The following HIP1R variants were observed in gnomAD, a reference collection of about 807,000 sequenced individuals.
HIP1R encodes the protein huntingtin interacting protein 1 related.
A neutral mutation model predicts 144.2 loss-of-function variants in HIP1R; 135 were observed. The ratio of observed to expected loss-of-function variants is 0.94; its 90% CI spans 0.81 to 1.08. The LOEUF (loss-of-function observed/expected upper bound fraction) is 1.08, where lower values mean the gene tolerates loss of function less well. Among genes scored for constraint, HIP1R ranks in the 50% least tolerant of loss-of-function variants. HIP1R has a pLI of 0.00. For missense variants in HIP1R, 1,462 were observed against 1,432.8 expected (o/e 1.02, Z -0.33); for synonymous variants, 698 against 612.8 (o/e 1.14, Z -2.05).
In HIP1R at chr12:122,859,382, G is replaced by GT. The variant is rs567148630; in HGVS notation, c.2296-44_2296-43insT. The GT allele has an allele frequency of 1.3e-3, 2,084 of 1,552,452 alleles. 16 individuals are homozygous for GT. The highest frequency in any genetic ancestry group is 1.7e-3 in the Admixed American group (99 of 59,250). On this transcript the variant is annotated intron_variant, in intron 22 of 31. Transcript: ENST00000253083. ...TCTTTCCCAGGCTGCCCGTGGGACG[G>GT]GGGGGGACGGAGGCTACCCCTGTCT...
rs754302620 is a variant in HIP1R at position 122,858,952 on chromosome 12, G to C, written c.2158+7G>C. ...CCCACCGACCCTGCCGACCGTAAGT[G>C]GGTCCTGGGATGGCAGGTTCTGTCC... On this transcript the variant is annotated splice_region_variant and intron_variant, in intron 21 of 31. Transcript: ENST00000253083. 5.0e-6 allele frequency: 8 copies of C among 1,612,686 alleles called. No homozygotes were observed. Among genetic ancestry groups the C allele is most frequent in the Non-Finnish European group, 5.9e-6 (7 of 1,179,550 alleles).
chr12:122,861,994 C>T lies in HIP1R; in HGVS notation c.*241C>T, dbSNP rs145881981. The stretch of plus-strand genomic sequence containing the variant: ...AAGGAACTTTGGGGTGCAGCCAGGA[C>T]CCGGTAGGCCTGAGCCTCAACTCTT... On this transcript the variant is annotated 3_prime_UTR_variant, in exon 32 of 32. Transcript: ENST00000253083. 5.8e-6 allele frequency: 3 copies of T among 514,084 alleles called. No individual in the cohort carries two copies. The highest frequency in any genetic ancestry group is 3.9e-5 in the African/African-American group (2 of 51,272). 31.8% of individuals were successfully genotyped at this position (514,084 alleles called of 1,614,324 possible).
At chr12:122,847,890 G>C in intron 1 of HIP1R, 141 bp from the exon 2 acceptor site, 1 of 662,036 alleles carries the variant, frequency 1.5e-6, no homozygotes, top group South Asian at 2.2e-5. Context: ...CTTAGGTTGA[G>C]GGGATTCCTG....
chr12:122,852,457 C>T (rs1186791554), intron 7 of HIP1R, among the ~76,000 whole-genome samples: 1 of 152,218 alleles, frequency 6.6e-6, no homozygotes, highest in Non-Finnish European at 1.5e-5. Context: ...GCCAGTTACC[C>T]CTGGCATGGG....
chr12:122,845,658 G>A (rs2033189548), intron 1 of HIP1R, among the ~76,000 whole-genome samples: 1 of 152,204 alleles, frequency 6.6e-6, no homozygotes, highest in South Asian at 2.1e-4. Context: ...TGACTGCTGG[G>A]TGAGGGGAGA....
In HIP1R at chr12:122,856,081, GCAGCTCCGCCACGAGCTGGCC is replaced by G; in HGVS notation, c.1236_1256del (p.His414_Arg420del). Reference sequence around the variant, plus strand: ...AGCAGAAGGCCCTGGTGGATAATGAGCAGCTCCGCCACGAGCTGGCCCAGCTGAGGGCTGCCCAGCTGGAGG... The same window carrying G: ...AGCAGAAGGCCCTGGTGGATAATGAGCAGCTGAGGGCTGCCCAGCTGGAGG... On this transcript the variant is annotated inframe_deletion, in exon 14 of 32. Transcript: ENST00000253083. 5.7e-6 allele frequency: 9 copies of G among 1,587,118 alleles called. No homozygotes were observed. Among genetic ancestry groups the G allele is most frequent in the Non-Finnish European group, 7.7e-6 (9 of 1,167,082 alleles).
At chr12:122,860,342 G>C in intron 26 of HIP1R, 81 bp from the exon 27 acceptor site, 6 of 1,562,466 alleles carry the variant, frequency 3.8e-6, no homozygotes, top group Non-Finnish European at 5.3e-6. Context: ...CAGAGTGAGG[G>C]GGAGAGGGCC....
intron 19 of HIP1R, 39 bp from the exon 20 acceptor site, chr12:122,858,310 A>AGCG: frequency 6.3e-7 from 1 of 1,591,280 alleles, no homozygotes; most frequent in Non-Finnish European, 8.6e-7. Context: ...AGCCCTGAGC[A>AGCG]GCGGGTGGCA....
intron 2 of HIP1R, 80 bp from the exon 3 acceptor site, chr12:122,848,386 C>G: frequency 6.6e-7 from 1 of 1,512,160 alleles, no homozygotes; most frequent in Non-Finnish European, 8.9e-7. Context: ...CCTCTTCCGG[C>G]GGCCCTGGCC....
chr12:122,860,387 C>T (rs1383422539), intron 26 of HIP1R, 36 bp from the exon 27 acceptor site: 2 of 1,606,028 alleles, frequency 1.2e-6, no homozygotes, highest in South Asian at 1.1e-5. Context: ...GTGTCCTTGA[C>T]TGGCATGTCC....
chr12:122,855,190 C>T, intron 10 of HIP1R, 62 bp downstream of exon 10: 1 of 1,611,278 alleles, frequency 6.2e-7, no homozygotes, highest in Non-Finnish European at 8.5e-7. Context: ...CTGGGCCCCA[C>T]ACAGGCTATG....
At position 122,856,492 on chromosome 12, in the gene HIP1R, G is replaced by C. The variant is rs771556796; in HGVS notation, c.1462G>C (p.Val488Leu). Residue 488 changes from valine (V) to leucine (L), a missense_variant, in exon 16 of 32, where the codon GTG (valine) becomes CTG (leucine). Physicochemically the swap from Val to Leu is conservative, Grantham distance 32. This residue lies in a region of HIP1R where 1,112 missense variants were observed against 1,011.7 expected (regional missense o/e 1.10). Coordinates refer to ENST00000253083, the MANE Select transcript of HIP1R (RefSeq NM_003959.3). ...GCAAAGCCAGGAGGAGGTGGCGCGG[G>C]TGAAGGAGCAGCTGGCCTTCCAGGT... ...TQQSQEEVARVKEQLAFQVEQ... is the reference protein window; with the variant it reads ...TQQSQEEVARLKEQLAFQVEQ... 1 of 1,592,754 alleles carries C rather than the reference G, an allele frequency of 6.3e-7. No homozygotes were observed. Among genetic ancestry groups the C allele is most frequent in the Non-Finnish European group, 8.6e-7 (1 of 1,169,158 alleles).
At position 122,855,378 on chromosome 12, in the gene HIP1R, C is replaced by T; in HGVS notation, c.966C>T (p.Ser322=). The change falls in exon 11 of 32, where the codon AGC becomes AGT. Residue 322 remains serine (S), a synonymous_variant. Coordinates refer to ENST00000253083, the MANE Select transcript of HIP1R (RefSeq NM_003959.3). Reference sequence around the variant, plus strand: ...AGCCGGAGAATCTCATTGAGATCAGCACAGGGCCCCCCGCGGGGGAGCCAG... The same window carrying T: ...AGCCGGAGAATCTCATTGAGATCAGTACAGGGCCCCCCGCGGGGGAGCCAG... ...DEEPENLIEI[S]TGPPAGEPVV... The T allele has an allele frequency of 6.3e-7, 1 of 1,586,258 alleles. No individual in the cohort carries two copies. The highest frequency in any genetic ancestry group is 8.6e-7 in the Non-Finnish European group (1 of 1,167,774).
chr12:122,857,502 C>T (rs925620762), intron 18 of HIP1R: 10 of 542,382 alleles, frequency 1.8e-5, no homozygotes, highest in Admixed American at 6.2e-5. Context: ...TTTGTTGCAA[C>T]TTTCTGGCTG....
In HIP1R at chr12:122,861,211, C is replaced by CG. The variant is rs1338895014; in HGVS notation, c.2952+19_2952+20insG. ...GACCCAGGTAGGCGCCCATGGCTGCCCCGTGACCTCTGAGCTCATCCCTCG... is the reference window on the plus strand; with the variant it reads ...GACCCAGGTAGGCGCCCATGGCTGCCGCCGTGACCTCTGAGCTCATCCCTCG... On this transcript the variant is annotated intron_variant, in intron 30 of 31. Transcript: ENST00000253083. The CG allele has an allele frequency of 1.1e-5, 18 of 1,612,468 alleles. No homozygotes were observed. Among genetic ancestry groups the CG allele is most frequent in the Non-Finnish European group, 1.4e-5 (16 of 1,179,800 alleles).
chr12:122,835,831 G>A (rs1476927964), intron 1 of HIP1R, among the ~76,000 whole-genome samples, 188 bp downstream of exon 1: 1 of 149,136 alleles, frequency 6.7e-6, no homozygotes, highest in Non-Finnish European at 1.5e-5. Flanking sequence ...GCCGGCCTCC[G>A]CGGCCCGAGC....
intron 18 of HIP1R, 90 bp downstream of exon 18, chr12:122,857,305 T>C: frequency 1.6e-6 from 2 of 1,270,168 alleles, no homozygotes; most frequent in South Asian, 1.3e-5. Flanking sequence ...GTTCTAGAGA[T>C]TTCATGTAAA....
upstream of HIP1R, chr12:122,835,307 C>T (rs1171219462): frequency 2.6e-5 from 14 of 546,200 alleles, no homozygotes; most frequent in Non-Finnish European, 3.1e-5. Flanking sequence ...TGGAGGTGTG[C>T]GGGTGGAGGG....
rs756907074 is a variant in HIP1R at position 122,860,053 on chromosome 12, C to T, written c.2472C>T (p.Leu824=). The change falls in exon 25 of 32, where the codon CTC becomes CTT. Residue 824 remains leucine (L), a synonymous_variant. Transcript: ENST00000253083. The part of the protein sequence containing the change: ...GVKLEVNERI[L]NSCTDLMKAI... ...CTCTCCTTCTCTCCCCCAGGATCCT[C>T]AACTCCTGCACAGACCTGATGAAGG... 1.7e-5 allele frequency: 27 copies of T among 1,558,910 alleles called. No homozygotes were observed. The highest frequency in any genetic ancestry group is 2.3e-5 in the Non-Finnish European group (26 of 1,153,462).
Sources: gnomAD v4.1 joint callset for allele counts (sites outside exome capture counted in the v4.1 genomes callset) on GRCh38, gnomAD v4.1.1 for gene constraint, gnomAD v4.1.1 regional missense constraint, MANE v1.5 for transcripts, NCBI Gene and HGNC (gene_info 2026-07-23, HGNC 2026-07-21) for gene names.